SMARCC1: variants seen among roughly 807,000 people sequenced by gnomAD.
The protein encoded by SMARCC1 is SWI/SNF related BAF chromatin remodeling complex subunit C1, also known as SWI/SNF complex subunit SMARCC1.
Under a neutral mutation model 147.4 loss-of-function variants are expected in SMARCC1, and 43 were observed. The ratio of observed to expected loss-of-function variants is 0.29; its 90% CI spans 0.23 to 0.38. SMARCC1 has a LOEUF of 0.38. SMARCC1 is among the 10% of genes least tolerant of loss of function. The pLI is 1.00. For synonymous variants in SMARCC1, 495 were observed against 484.4 expected, an observed-to-expected ratio of 1.02 and a Z score of -0.29; for missense variants, 1,119 against 1,381.1, an observed-to-expected ratio of 0.81 and a Z score of 3.01.
intron 7 of SMARCC1, among the ~76,000 whole-genome samples, chr3:47,716,333 G>A (rs1324824421): frequency 2.7e-5 from 4 of 145,494 alleles, no homozygotes; most frequent in South Asian, 2.2e-4. Context: ...CAGGAGAATC[G>A]CATGAACCTG....
chr3:47,663,814 C>A, intron 19 of SMARCC1: 1 of 1,583,720 alleles, frequency 6.3e-7, no homozygotes, highest in Non-Finnish European at 8.7e-7. Context: ...TCTATTCCTT[C>A]CACCGGGGCA....
chr3:47,593,820 G>A (rs930882795), intron 26 of SMARCC1, among the ~76,000 whole-genome samples: 1 of 152,148 alleles, frequency 6.6e-6, no homozygotes, highest in Admixed American at 6.5e-5. Flanking sequence ...TGAGAGAGGA[G>A]CCCCTTACTT....
intron 19 of SMARCC1, among the ~76,000 whole-genome samples, chr3:47,669,399 C>A (rs2033467067): frequency 6.6e-6 from 1 of 152,092 alleles, no homozygotes; most frequent in African/African-American, 2.4e-5. Flanking sequence ...CCCAAAGATT[C>A]CAAAATAGCA....
At chr3:47,599,629 T>C (rs1161033136) in intron 26 of SMARCC1, among the ~76,000 whole-genome samples, 1 of 152,174 alleles carries the variant, frequency 6.6e-6, no homozygotes, top group Non-Finnish European at 1.5e-5. Context: ...GAGATGGTGC[T>C]TGCAGCCAGT....
At chr3:47,595,545 A>C (rs199680260) in intron 26 of SMARCC1, among the ~76,000 whole-genome samples, 1 of 742 alleles carries the variant, frequency 1.3e-3, no homozygotes, top group African/African-American at 1.5e-3. Flanking sequence ...ATAAATAAAT[A>C]AAATAAAATA....
chr3:47,642,546 C>T (rs1405188632), intron 21 of SMARCC1, among the ~76,000 whole-genome samples: 1 of 151,890 alleles, frequency 6.6e-6, no homozygotes, highest in African/African-American at 2.4e-5. Flanking sequence ...GCCGAGATTG[C>T]GCCACTGCAC....
rs561008158 is a variant in SMARCC1, at chr3:47,644,494, T to C, written c.2321-5714A>G. 2.0e-5 allele frequency among the ~76,000 whole-genome samples: 3 copies of C among 152,232 alleles called. No homozygotes were observed. The East Asian group carries it at 5.8e-4, about 29-fold the overall frequency. ...CTAGGTGACAGAACAAGACACTGTC[T>C]CAAAAGAAAAACTTTTTTTGTTTGT... On this transcript the variant is annotated intron_variant, in intron 21 of 27. Coordinates refer to ENST00000254480, the MANE Select transcript of SMARCC1 (RefSeq NM_003074.4).
chr3:47,604,122 A>G (rs1303159120), intron 26 of SMARCC1: 1 of 456,660 alleles, frequency 2.2e-6, no homozygotes, highest in Non-Finnish European at 4.4e-6. Context: ...AGCTTATACC[A>G]GCTACATTCA....
intron 2 of SMARCC1, among the ~76,000 whole-genome samples, chr3:47,757,834 T>C (rs1464231602): frequency 6.6e-6 from 1 of 150,548 alleles, no homozygotes; most frequent in Non-Finnish European, 1.5e-5. Context: ...AGAATGCTCA[T>C]ACACTGTTTG....
chr3:47,667,317 CAAAAA>C (rs71070207), intron 19 of SMARCC1, among the ~76,000 whole-genome samples: 93 of 131,722 alleles, frequency 7.1e-4, no homozygotes, highest in Middle Eastern at 7.4e-3. Context: ...GACTCCGTCT[CAAAAA>C]AAAAAAAAAA....
In SMARCC1 at chr3:47,620,261, G is replaced by A. The variant is rs183707934; in HGVS notation, c.2781+1946C>T. On this transcript the variant is annotated intron_variant, in intron 25 of 27. Transcript: ENST00000254480. ...GCAGACTGCCTGAACTCAGGAGTTC[G>A]AGACCAGCCCAGGCAACACAGTGAA... Among the ~76,000 whole-genome samples, 92 of 152,110 alleles carry A rather than the reference G, an allele frequency of 6.0e-4. No homozygotes were observed. In the Middle Eastern group the frequency reaches 0.017, roughly 28 times the overall value.
At chr3:47,651,077 G>GTCCA (rs2033183676) in intron 21 of SMARCC1, among the ~76,000 whole-genome samples, 4 of 152,146 alleles carry the variant, frequency 2.6e-5, no homozygotes, top group African/African-American at 9.7e-5. Flanking sequence ...CGCTAAGGCA[G>GTCCA]GCAGATTGCT....
chr3:47,680,579 G>C lies in SMARCC1; in HGVS notation c.1386-71C>G, dbSNP rs546742017. On this transcript the variant is annotated intron_variant, in intron 14 of 27. Transcript: ENST00000254480. ...TTTTTTTTTTTTGAGACGGAGTCTCGCTCTGTCGCCCAGGCTGGAGTGCAG... is the reference window on the plus strand; with the variant it reads ...TTTTTTTTTTTTGAGACGGAGTCTCCCTCTGTCGCCCAGGCTGGAGTGCAG... 1,387 of 866,690 alleles carry C rather than the reference G, an allele frequency of 1.6e-3. 3 individuals carry two copies. Among genetic ancestry groups the C allele is most frequent in the Middle Eastern group, 6.1e-3 (15 of 2,466 alleles). 53.7% of individuals were successfully genotyped at this position (866,690 alleles called of 1,614,324 possible). A position where few individuals can be genotyped will look rare whatever the true frequency, so the allele number is the denominator to read the frequency against.
chr3:47,589,371 A>G (rs948082178), intron 27 of SMARCC1, among the ~76,000 whole-genome samples: 1 of 152,222 alleles, frequency 6.6e-6, no homozygotes, highest in Non-Finnish European at 1.5e-5. Context: ...CTGAAGTACA[A>G]AACATGGGTG....
chr3:47,604,553 C>T, intron 26 of SMARCC1: 1 of 316,180 alleles, frequency 3.2e-6, no homozygotes, highest in Non-Finnish European at 6.2e-6. Context: ...CATTCTGGCC[C>T]CAAAATGCTA....
At chr3:47,643,218 T>A (rs1409482182) in intron 21 of SMARCC1, among the ~76,000 whole-genome samples, 1 of 152,198 alleles carries the variant, frequency 6.6e-6, no homozygotes, top group Non-Finnish European at 1.5e-5. Flanking sequence ...ACAAATGATA[T>A]AGACAGCAAG....
intron 25 of SMARCC1, among the ~76,000 whole-genome samples, chr3:47,612,441 A>G (rs1273589827): frequency 1.3e-5 from 2 of 152,202 alleles, no homozygotes; most frequent in East Asian, 3.8e-4. Context: ...TTTATAAGGA[A>G]GCTGAACTGC....
intron 24 of SMARCC1, among the ~76,000 whole-genome samples, chr3:47,633,733 G>C (rs13069142): frequency 1.0e-5 from 1 of 97,190 alleles, no homozygotes; most frequent in Non-Finnish European, 1.9e-5. Flanking sequence ...GACAGAGTGA[G>C]ACTGTCTCAA....
At chr3:47,616,139 G>C (rs1040392360) in intron 25 of SMARCC1, among the ~76,000 whole-genome samples, 3 of 152,182 alleles carry the variant, frequency 2.0e-5, no homozygotes, top group African/African-American at 7.2e-5. Context: ...CGGCTTATGT[G>C]GGGCCCAGGC....
Sources: allele counts gnomAD v4.1 joint callset (sites outside exome capture counted in the v4.1 genomes callset), GRCh38; gene constraint gnomAD v4.1.1; transcripts MANE v1.5; gene names NCBI Gene and HGNC (gene_info 2026-07-23, HGNC 2026-07-21).